CUX2: variants seen among roughly 807,000 people sequenced by gnomAD.
CUX2 encodes cut like homeobox 2.
In CUX2, 40 loss-of-function variants were observed where a neutral mutation model predicts 144.8. That is an observed-to-expected ratio of 0.28 (90% confidence interval 0.21 to 0.36). CUX2 has a LOEUF of 0.36. CUX2 is among the 10% of genes least tolerant of loss of function. The pLI is 1.00. For synonymous variants in CUX2, 827 were observed against 875.6 expected, an observed-to-expected ratio of 0.94 and a Z score of 0.98; for missense variants, 1,615 against 1,994.0, an observed-to-expected ratio of 0.81 and a Z score of 3.62.
At chr12:111,157,097 T>G (rs2136145430) in intron 1 of CUX2, among the ~76,000 whole-genome samples, 1 of 151,400 alleles carries the variant, frequency 6.6e-6, no homozygotes, top group South Asian at 2.1e-4. Flanking sequence ...ACTGATTTTT[T>G]TGCACACTGC....
chr12:111,119,056 A>T (rs1874469561), intron 1 of CUX2, among the ~76,000 whole-genome samples: 1 of 152,194 alleles, frequency 6.6e-6, no homozygotes, highest in African/African-American at 2.4e-5. Flanking sequence ...TTCATGGGAA[A>T]CTTTCTCAGT....
intron 1 of CUX2, among the ~76,000 whole-genome samples, chr12:111,062,922 G>A (rs1348444279): frequency 6.6e-6 from 1 of 152,158 alleles, no homozygotes; most frequent in Non-Finnish European, 1.5e-5. Context: ...CAGGGTGAAG[G>A]GCAGATAGGC....
chr12:111,334,142 A>C (rs976267478), intron 18 of CUX2, among the ~76,000 whole-genome samples: 8 of 150,608 alleles, frequency 5.3e-5, no homozygotes, highest in Admixed American at 2.0e-4. Flanking sequence ...AGCCGAGATC[A>C]CACCACTGCA....
At chr12:111,194,251 C>T (rs1037407066) in intron 1 of CUX2, among the ~76,000 whole-genome samples, 1 of 152,186 alleles carries the variant, frequency 6.6e-6, no homozygotes, top group Non-Finnish European at 1.5e-5. Flanking sequence ...CAGCACCCCC[C>T]TCCTGGGGTT....
chr12:111,228,098 TGCAGTGCCCTGG>T (rs1882258357), intron 3 of CUX2, among the ~76,000 whole-genome samples: 1 of 152,198 alleles, frequency 6.6e-6, no homozygotes. Flanking sequence ...GCAGACCCTG[TGCAGTGCCCTGG>T]GGATAGGCAG....
At chr12:111,107,631 G>A (rs533875890) in intron 1 of CUX2, among the ~76,000 whole-genome samples, 1 of 152,370 alleles carries the variant, frequency 6.6e-6, no homozygotes. Flanking sequence ...TGAGGGAGCA[G>A]AGGGTGCAGG....
rs1439697240 is a variant in CUX2, at chr12:111,035,748, C to A, written c.63+1508C>A. Among the ~76,000 whole-genome samples, 1 of 152,126 alleles carries A rather than the reference C, an allele frequency of 6.6e-6. No individual in the cohort carries two copies. On this transcript the variant is annotated intron_variant, in intron 1 of 21. Transcript: ENST00000261726. The surrounding 1 kb of genome is among the most constrained non-coding windows in gnomAD (Gnocchi z 6.0). ...TCCGAACGCCCCACTCCTCGCTCTC[C>A]CCCTCCCCCAAAGCCATTGAGCTGG...
At chr12:111,150,888 G>A (rs75565677) in intron 1 of CUX2, among the ~76,000 whole-genome samples, 362 of 152,258 alleles carry the variant, frequency 2.4e-3, no homozygotes, top group African/African-American at 8.2e-3. Context: ...CGCAGCAATG[G>A]TGGGAGGGGG....
chr12:111,203,737 T>C (rs183270682), intron 1 of CUX2, among the ~76,000 whole-genome samples: 6 of 151,906 alleles, frequency 3.9e-5, no homozygotes, highest in Admixed American at 3.3e-4. Context: ...TAACAGGATC[T>C]CTGTGGCCGC....
chr12:111,117,265 G>T (rs113849551), intron 1 of CUX2, among the ~76,000 whole-genome samples: 1 of 152,236 alleles, frequency 6.6e-6, no homozygotes, highest in Non-Finnish European at 1.5e-5. Context: ...TTTCATACTC[G>T]CATGACCCAT....
intron 10 of CUX2, among the ~76,000 whole-genome samples, chr12:111,305,835 G>T (rs1225607984): frequency 1.3e-5 from 2 of 152,176 alleles, no homozygotes; most frequent in African/African-American, 4.8e-5. Flanking sequence ...CATGTCTGTT[G>T]TGTGTGATGA....
intron 1 of CUX2, among the ~76,000 whole-genome samples, chr12:111,203,405 C>T (rs565684722): frequency 3.3e-5 from 5 of 151,868 alleles, no homozygotes; most frequent in South Asian, 4.2e-4. Flanking sequence ...GTTAGTTGCA[C>T]GTGGTGGAGC....
chr12:111,053,098 GTGCCTCAGTTTTCTCAT>G (rs1375351626), intron 1 of CUX2, among the ~76,000 whole-genome samples: 2 of 152,172 alleles, frequency 1.3e-5, no homozygotes, highest in Non-Finnish European at 2.9e-5. Flanking sequence ...GGACTGCTCA[GTGCCTCAGTTTTCTCAT>G]CTGCAAAATG....
chr12:111,327,666 G>T (rs887773199), intron 18 of CUX2, among the ~76,000 whole-genome samples: 2 of 152,174 alleles, frequency 1.3e-5, no homozygotes, highest in African/African-American at 4.8e-5. Flanking sequence ...GGTGCTCCTT[G>T]TGGAAGGAAT....
At chr12:111,318,599 TAA>T (rs1320526925) in intron 16 of CUX2, among the ~76,000 whole-genome samples, 4 of 147,378 alleles carry the variant, frequency 2.7e-5, no homozygotes, top group Admixed American at 2.0e-4. Flanking sequence ...TCTCTTTTTT[TAA>T]AAAAAAAAAA....
chr12:111,240,015 A>G (rs1251866801), intron 3 of CUX2, among the ~76,000 whole-genome samples: 1 of 152,254 alleles, frequency 6.6e-6, no homozygotes, highest in Non-Finnish European at 1.5e-5. Context: ...AGAATTGGTT[A>G]TAATATTAGC....
chr12:111,169,901 G>A (rs1234721816), intron 1 of CUX2, among the ~76,000 whole-genome samples: 1 of 152,172 alleles, frequency 6.6e-6, no homozygotes, highest in East Asian at 1.9e-4. Context: ...CATGAGGGTG[G>A]CAGGGAATGA....
intron 18 of CUX2, among the ~76,000 whole-genome samples, chr12:111,328,761 G>T (rs749454750): frequency 6.6e-6 from 1 of 151,784 alleles, no homozygotes; most frequent in Non-Finnish European, 1.5e-5. Flanking sequence ...CTAATTTTTT[G>T]TATTTTTAGA....
At chr12:111,099,327 A>C (rs1205613025) in intron 1 of CUX2, 1 of 340,902 alleles carries the variant, frequency 2.9e-6, no homozygotes, top group African/African-American at 2.1e-5. Context: ...GCAAGAGCTG[A>C]GGCTGGAGGC....
Sources: allele counts gnomAD v4.1 joint callset (sites outside exome capture counted in the v4.1 genomes callset), GRCh38; gene constraint gnomAD v4.1.1; non-coding constraint Gnocchi (gnomAD v3.1); transcripts MANE v1.5; gene names NCBI Gene and HGNC (gene_info 2026-07-23, HGNC 2026-07-21).